Variants in INTS6L observed in about 807,000 individuals in gnomAD.
INTS6L encodes integrator complex subunit 6-like.
In INTS6L, 18 loss-of-function variants were observed where a neutral mutation model predicts 64.7. The observed-to-expected ratio is 0.28, with a 90% CI of 0.19 to 0.41. The LOEUF (loss-of-function observed/expected upper bound fraction) is 0.41. Among genes scored for constraint, INTS6L ranks in the 10% least tolerant of loss-of-function variants. The probability of loss-of-function intolerance (pLI) is 1.00; values close to 1 mark genes in which losing one functional copy is unlikely to be tolerated. For missense variants in INTS6L, 533 were observed against 661.0 expected (o/e 0.81, Z 2.12); for synonymous variants, 227 against 235.9 (o/e 0.96, Z 0.34).
chrX:135,530,936 C>T (rs782236142), intron 2 of INTS6L, among the ~76,000 whole-genome samples: 1 of 112,026 alleles, frequency 8.9e-6, no homozygotes, highest in Non-Finnish European at 1.9e-5. Context: ...CCTGGTTATA[C>T]TACTCATTAA....
In INTS6L at chrX:135,579,912, C is replaced by T; in HGVS notation, c.2244C>T (p.Pro748=). The stretch of plus-strand genomic sequence containing the variant: ...ATATGACAGGAGATCTTATGCCACC[C>T]AACCAAGTGGATTCTCTGTCTGACG... ...LINMTGDLMP[P]NQVDSLSDDF... The change falls in exon 16 of 18, where the codon CCC becomes CCT. Residue 748 remains proline (P), a synonymous_variant. Transcript: ENST00000639893. 8.3e-7 allele frequency: 1 copy of T among 1,211,712 alleles called. No homozygotes were observed. Among genetic ancestry groups the T allele is most frequent in the Non-Finnish European group, 1.1e-6 (1 of 895,450 alleles).
chrX:135,546,991 A>C (rs1169695248), intron 5 of INTS6L, 106 bp downstream of exon 5: 3 of 1,104,388 alleles, frequency 2.7e-6, no homozygotes, highest in African/African-American at 3.7e-5. Context: ...AAAGCCTTTT[A>C]ACTCTGTTGC....
At chrX:135,535,107 A>G (rs185517495) in intron 2 of INTS6L, among the ~76,000 whole-genome samples, 104 of 112,034 alleles carry the variant, frequency 9.3e-4, no homozygotes, top group African/African-American at 3.1e-3. Flanking sequence ...AAATCTGGCC[A>G]AATTGTTGGA....
At chrX:135,570,342 G>T in intron 10 of INTS6L, 94 bp from the exon 11 acceptor site, 1 of 828,420 alleles carries the variant, frequency 1.2e-6, no homozygotes, top group African/African-American at 2.1e-5. Flanking sequence ...TGACTTCTAA[G>T]AAATGAATCA....
chrX:135,554,457 A>G (rs2086588037), intron 8 of INTS6L, among the ~76,000 whole-genome samples: 1 of 111,711 alleles, frequency 9.0e-6, no homozygotes, highest in Non-Finnish European at 1.9e-5. Context: ...TTTTAGTACA[A>G]CTCATGTTCT....
chrX:135,531,556 A>G (rs1230705745), intron 2 of INTS6L, among the ~76,000 whole-genome samples: 1 of 111,882 alleles, frequency 8.9e-6, no homozygotes, highest in Non-Finnish European at 1.9e-5. Context: ...CCTTTGACTC[A>G]ATTTCTGTTG....
intron 10 of INTS6L, 109 bp downstream of exon 10, chrX:135,569,540 T>C: frequency 2.3e-6 from 1 of 430,047 alleles, no homozygotes; most frequent in Non-Finnish European, 3.7e-6. Flanking sequence ...GATATCTTTT[T>C]ATTTTACAGA....
chrX:135,562,014 A>T (rs963204287), intron 9 of INTS6L, among the ~76,000 whole-genome samples: 51 of 108,316 alleles, frequency 4.7e-4, no homozygotes, highest in Non-Finnish European at 7.9e-4. Flanking sequence ...TTTTTTTTTA[A>T]AATTTCATTG....
At chrX:135,550,257 C>T (rs1025162303) in intron 7 of INTS6L, among the ~76,000 whole-genome samples, 1 of 111,827 alleles carries the variant, frequency 8.9e-6, no homozygotes, top group African/African-American at 3.3e-5. Flanking sequence ...CTACTTCTTC[C>T]TACTTTTCAT....
At chrX:135,527,809 TGA>T (rs1258584862) in intron 2 of INTS6L, among the ~76,000 whole-genome samples, 2 of 111,108 alleles carry the variant, frequency 1.8e-5, no homozygotes, top group African/African-American at 6.6e-5. Context: ...GCTTGCTGCT[TGA>T]GAGCTTTTGG....
chrX:135,577,050 G>A, intron 14 of INTS6L, 143 bp from the exon 15 acceptor site: 1 of 577,960 alleles, frequency 1.7e-6, no homozygotes, highest in Non-Finnish European at 2.7e-6. Flanking sequence ...AATCTGGCAT[G>A]GGATTTAAAA....
Position 135,582,452 on chromosome X carries a change from A to G in INTS6L, c.*816A>G, listed in dbSNP as rs1206755262. 8 of 112,654 alleles carry G rather than the reference A, an allele frequency of 7.1e-5. No homozygotes were observed. Among genetic ancestry groups the G allele is most frequent in the African/African-American group, 2.3e-4 (7 of 30,993 alleles). The allele number at this position is 112,654 out of a possible 1,213,427, so 9.3% of individuals were successfully genotyped here. On this transcript the variant is annotated 3_prime_UTR_variant, in exon 18 of 18. Transcript: ENST00000639893. ...TGAATTTGCAAAAATTAAAGTGTACAAAGAGATTTTGATTTTGCATATATA... is the reference window on the plus strand; with the variant it reads ...TGAATTTGCAAAAATTAAAGTGTACGAAGAGATTTTGATTTTGCATATATA...
chrX:135,563,067 C>T (rs782629277), intron 9 of INTS6L, among the ~76,000 whole-genome samples: 1 of 111,228 alleles, frequency 9.0e-6, no homozygotes, highest in African/African-American at 3.3e-5. Flanking sequence ...ATTTTACTGG[C>T]ATCTTTTGGG....
At chrX:135,560,981 C>G (rs1339308160) in intron 9 of INTS6L, among the ~76,000 whole-genome samples, 1 of 62,325 alleles carries the variant, frequency 1.6e-5, no homozygotes, top group Non-Finnish European at 2.9e-5. Context: ...GAGATGGAAT[C>G]TTGCTGTGTT....
chrX:135,569,192 A>G (rs2087027278), intron 9 of INTS6L, 145 bp from the exon 10 acceptor site: 4 of 310,139 alleles, frequency 1.3e-5, no homozygotes, highest in Non-Finnish European at 2.3e-5. Flanking sequence ...TTTGGTAAAT[A>G]GTACAACCAC....
At chrX:135,576,607 C>T (rs1320439083) in intron 14 of INTS6L, among the ~76,000 whole-genome samples, 2 of 111,197 alleles carry the variant, frequency 1.8e-5, no homozygotes, top group East Asian at 5.6e-4. Context: ...ATCTATCCCC[C>T]CAAGAGTGAA....
chrX:135,545,686 G>T, intron 3 of INTS6L, 114 bp downstream of exon 3: 2 of 745,987 alleles, frequency 2.7e-6, no homozygotes, highest in Non-Finnish European at 3.8e-6. Flanking sequence ...CCAAAAATGA[G>T]ATTCTTATTA....
chrX:135,581,548 T>G lies in INTS6L; in HGVS notation c.2609T>G (p.Ile870Ser). 1 of 1,208,318 alleles carries G rather than the reference T, an allele frequency of 8.3e-7. No individual in the cohort carries two copies. Among genetic ancestry groups the G allele is most frequent in the Non-Finnish European group, 1.1e-6 (1 of 893,335 alleles). ...EAARFKRRVLIQYLEKVLEKI... is the reference protein window; with the variant it reads ...EAARFKRRVLSQYLEKVLEKI... ...TTCAGGTTTAAAAGACGAGTCCTAA[T>G]TCAGTACCTTGAGAAGGTACTAGAA... Residue 870 changes from isoleucine (I) to serine (S), a missense_variant, in exon 18 of 18, where the codon ATT becomes AGT. Ile to Ser is a moderately radical substitution (Grantham distance 142). Transcript: ENST00000639893.
At chrX:135,523,523 C>T (rs2085652625) in intron 2 of INTS6L, among the ~76,000 whole-genome samples, 1 of 107,935 alleles carries the variant, frequency 9.3e-6, no homozygotes, top group African/African-American at 3.4e-5. Flanking sequence ...TTTACAGAAA[C>T]TTGGGAAAGG....
Sources: allele counts gnomAD v4.1 joint callset (sites outside exome capture counted in the v4.1 genomes callset), GRCh38; gene constraint gnomAD v4.1.1; transcripts MANE v1.5; gene names NCBI Gene and HGNC (gene_info 2026-07-23, HGNC 2026-07-21).